The following RASL12 variants were observed in gnomAD, a reference collection of about 807,000 sequenced individuals.
RASL12 encodes the protein RAS like family 12, also known as ras-like protein family member 12.
Under a neutral mutation model 22.9 loss-of-function variants are expected in RASL12, and 16 were observed. That is an observed-to-expected ratio of 0.70 (90% CI 0.47 to 1.06). RASL12 has a LOEUF of 1.06. Ranked by LOEUF, RASL12 falls within the 50% of genes least tolerant of loss-of-function variation. The pLI is 0.00. For synonymous variants in RASL12, 159 were observed against 152.2 expected (o/e 1.04, Z -0.33); for missense variants, 306 against 353.1 (o/e 0.87, Z 1.07).
At chr15:65,075,931 A>G (rs191012313) in intron 1 of RASL12, among the ~76,000 whole-genome samples, 62 of 140,380 alleles carry the variant, frequency 4.4e-4, no homozygotes, top group African/African-American at 1.5e-3. Flanking sequence ...GTTTAGTTCA[A>G]GGTTTGTGAG....
At chr15:65,052,356 G>A (rs1009852119), downstream of RASL12, among the ~76,000 whole-genome samples, 1 of 150,706 alleles carries the variant, frequency 6.6e-6, no homozygotes, top group African/African-American at 2.4e-5. Context: ...GGATTCAAGA[G>A]TCAGGAGGCT....
Position 65,055,018 on chromosome 15 carries a change from T to G in RASL12, c.682A>C (p.Asn228His). 6.2e-7 allele frequency: 1 copy of G among 1,613,972 alleles called. No individual in the cohort carries two copies. The highest frequency in any genetic ancestry group is 2.2e-5 in the East Asian group (1 of 44,886). ...SCTFNTLSTI[N>H]LKEMPTVAQA... ...GCCACAGTGGGCATCTCCTTCAGGT[T>G]GATGGTGGAGAGCGTGTTGAAGGTG... The change falls in exon 5 of 5, where the codon AAC becomes CAC. Residue 228 changes from asparagine to histidine, a missense_variant. Transcript: ENST00000220062.
the RASL12 span, among the ~76,000 whole-genome samples, chr15:65,047,336 C>CAAA: frequency 8.1e-6 from 1 of 122,962 alleles, no homozygotes; most frequent in African/African-American, 3.0e-5. Context: ...AACTCCATCT[C>CAAA]AAAAAAAAAA....
chr15:65,075,769 C>T (rs910597339), intron 1 of RASL12, among the ~76,000 whole-genome samples: 16 of 151,976 alleles, frequency 1.1e-4, no homozygotes, highest in African/African-American at 3.9e-4. Flanking sequence ...GTGTCTAGCT[C>T]AGGGTTTGTG....
At chr15:65,060,624 G>C (rs1222466135) in intron 2 of RASL12, among the ~76,000 whole-genome samples, 2 of 152,160 alleles carry the variant, frequency 1.3e-5, no homozygotes, top group African/African-American at 4.8e-5. Flanking sequence ...CTGTGTCATT[G>C]GCCCACATGT....
upstream of RASL12, among the ~76,000 whole-genome samples, chr15:65,071,254 G>A (rs1274737276): frequency 6.6e-6 from 1 of 152,160 alleles, no homozygotes. Context: ...CAGAGTCTGA[G>A]GCAGGCTCCT....
Position 65,055,182 on chromosome 15 carries a change from T to G in RASL12, c.518A>C (p.Gln173Pro). The G allele has an allele frequency of 6.2e-7, 1 of 1,612,550 alleles. No individual in the cohort carries two copies. The highest frequency in any genetic ancestry group is 8.5e-7 in the Non-Finnish European group (1 of 1,179,746). The change falls in exon 5 of 5, where the codon CAG becomes CCG. Residue 173 changes from glutamine to proline, a missense_variant. Transcript: ENST00000220062. ...TCGCACTGCCTCGTGGAAGACATGC[T>G]GCACGTGCTCAAAGTCCAGACAGGC... ...VSACLDFEHV[Q>P]HVFHEAVREA...
chr15:65,064,794 A>G (rs917152487), intron 2 of RASL12, among the ~76,000 whole-genome samples: 2 of 151,998 alleles, frequency 1.3e-5, no homozygotes, highest in African/African-American at 4.8e-5. Flanking sequence ...GAGTTTCACC[A>G]TGTTGGCCAG....
chr15:65,056,990 T>C (rs2140517128), intron 4 of RASL12, among the ~76,000 whole-genome samples: 2 of 152,318 alleles, frequency 1.3e-5, no homozygotes, highest in East Asian at 3.9e-4. Context: ...ACTGGCCTAC[T>C]CACAATCCAG....
At chr15:65,069,555 G>A (rs2086916513), upstream of RASL12, among the ~76,000 whole-genome samples, 1 of 152,224 alleles carries the variant, frequency 6.6e-6, no homozygotes, top group Non-Finnish European at 1.5e-5. Flanking sequence ...CTTGTGTGAT[G>A]CTGGGATGTT....
chr15:65,070,061 T>C (rs183975964), upstream of RASL12, among the ~76,000 whole-genome samples: 11 of 152,280 alleles, frequency 7.2e-5, no homozygotes, highest in East Asian at 2.1e-3. Context: ...ATCTTCAAAA[T>C]AGGGACAAAC....
chr15:65,061,522 T>C lies in RASL12; in HGVS notation c.161-2104A>G, dbSNP rs556754254. Among the ~76,000 whole-genome samples the C allele has an allele frequency of 9.0e-4, 137 of 152,276 alleles. 4 individuals carry two copies. In the South Asian group the frequency reaches 0.028, roughly 31 times the overall value. On this transcript the variant is annotated intron_variant, in intron 2 of 4. Transcript: ENST00000220062. ...GGGGCTCCTTTCCCAGTCACAGTAA[T>C]GTCCAGACTTCCTATCATCAAGTCC...
chr15:65,067,809 G>T lies in RASL12; in HGVS notation c.27C>A (p.Arg9=). The T allele has an allele frequency of 6.3e-7, 1 of 1,575,878 alleles. No individual in the cohort carries two copies. Among genetic ancestry groups the T allele is most frequent in the Non-Finnish European group, 8.6e-7 (1 of 1,164,528 alleles). ...GCGCGCTCTGAGGCCCGCTGCCCGC[G>T]CGGGGTTTTCCAAACACCGAGGACA... MSSVFGKP[R]AGSGPQSAPL... The change falls in exon 1 of 5, where the codon CGC becomes CGA. Residue 9 remains arginine (R), a synonymous_variant. Coordinates refer to ENST00000220062, the MANE Select transcript of RASL12 (RefSeq NM_016563.4).
chr15:65,047,347 A>C, the RASL12 span, among the ~76,000 whole-genome samples: 3 of 152,164 alleles, frequency 2.0e-5, no homozygotes, highest in South Asian at 4.1e-4. Flanking sequence ...AAAAAAAAAA[A>C]AACATACATA....
At chr15:65,074,709 T>G (rs968262419) in intron 1 of RASL12, among the ~76,000 whole-genome samples, 2 of 152,140 alleles carry the variant, frequency 1.3e-5, no homozygotes, top group African/African-American at 4.8e-5. Context: ...CTGGTCCCAT[T>G]TGGAACATGA....
At position 65,067,934 on chromosome 15, in the gene RASL12, G is replaced by A. The variant is rs915335082; in HGVS notation, c.-99C>T. On this transcript the variant is annotated 5_prime_UTR_variant, in exon 1 of 5. Coordinates refer to ENST00000220062, the MANE Select transcript of RASL12 (RefSeq NM_016563.4). ...GGGGAGCGGGATGCAGGCTTCCCTGGAGCGCGCGGCCCCGGACCCGTCGGC... is the reference window on the plus strand; with the variant it reads ...GGGGAGCGGGATGCAGGCTTCCCTGAAGCGCGCGGCCCCGGACCCGTCGGC... 7.8e-7 allele frequency: 1 copy of A among 1,286,260 alleles called. No homozygotes were observed. The highest frequency in any genetic ancestry group is 1.6e-5 in the African/African-American group (1 of 63,682). 79.7% of individuals were successfully genotyped at this position (1,286,260 alleles called of 1,614,324 possible).
chr15:65,059,602 T>C (rs1244663003), intron 2 of RASL12, among the ~76,000 whole-genome samples, 184 bp from the exon 3 acceptor site: 2 of 152,204 alleles, frequency 1.3e-5, no homozygotes, highest in Non-Finnish European at 2.9e-5. Flanking sequence ...ACCAAGGAGA[T>C]GCTGCTCCAC....
intron 2 of RASL12, among the ~76,000 whole-genome samples, chr15:65,060,266 C>G (rs1469738434): frequency 6.6e-6 from 1 of 152,118 alleles, no homozygotes; most frequent in Non-Finnish European, 1.5e-5. Context: ...TGATGGTGTT[C>G]CAAAGTTAAT....
At chr15:65,063,255 T>C (rs1366210783) in intron 2 of RASL12, among the ~76,000 whole-genome samples, 1 of 151,990 alleles carries the variant, frequency 6.6e-6, no homozygotes, top group African/African-American at 2.4e-5. Flanking sequence ...ACCCATGCAA[T>C]ATTTGAATTA....
Sources: gnomAD v4.1 joint callset for allele counts (sites outside exome capture counted in the v4.1 genomes callset) on GRCh38, gnomAD v4.1.1 for gene constraint, MANE v1.5 for transcripts, NCBI Gene and HGNC (gene_info 2026-07-23, HGNC 2026-07-21) for gene names.